HTR1F: variants seen among roughly 807,000 people sequenced by gnomAD.
HTR1F encodes 5-hydroxytryptamine receptor 1F.
In HTR1F, 17 loss-of-function variants were observed where a neutral mutation model predicts 24.0. That is an observed-to-expected ratio of 0.71 (90% confidence interval 0.48 to 1.06). The LOEUF (loss-of-function observed/expected upper bound fraction) is 1.06, where lower values mean the gene tolerates loss of function less well. Among genes scored for constraint, HTR1F ranks in the 50% least tolerant of loss-of-function variants. The probability of loss-of-function intolerance (pLI) is 0.00; values close to 1 mark genes in which losing one functional copy is unlikely to be tolerated. For synonymous variants in HTR1F, 186 were observed against 156.8 expected (o/e 1.19, Z -1.39); for missense variants, 391 against 427.8 (o/e 0.91, Z 0.76).
chr3:87,954,053 A>G (rs1704891675), intron 2 of HTR1F, among the ~76,000 whole-genome samples: 1 of 151,730 alleles, frequency 6.6e-6, no homozygotes, highest in African/African-American at 2.4e-5. Flanking sequence ...GGTGGTGGGC[A>G]GGTGGAGACA....
At chr3:87,837,389 C>G (rs1176885251) in intron 2 of HTR1F, among the ~76,000 whole-genome samples, 1 of 152,076 alleles carries the variant, frequency 6.6e-6, no homozygotes, top group Admixed American at 6.6e-5. Flanking sequence ...GCCAACAGGA[C>G]AGAGAACCTC....
intron 2 of HTR1F, among the ~76,000 whole-genome samples, chr3:87,867,581 C>A (rs1262363538): frequency 2.0e-5 from 3 of 148,864 alleles, no homozygotes; most frequent in African/African-American, 7.3e-5. Context: ...AGTGACCTCC[C>A]CCAGAAAATC....
intron 2 of HTR1F, among the ~76,000 whole-genome samples, chr3:87,839,022 TTA>T (rs201601597): frequency 2.0e-5 from 3 of 148,784 alleles, no homozygotes; most frequent in South Asian, 2.1e-4. Flanking sequence ...ATTTTTATTT[TTA>T]TTTTTTTTTT....
intron 2 of HTR1F, among the ~76,000 whole-genome samples, chr3:87,836,428 G>A (rs1298501392): frequency 2.0e-5 from 3 of 152,014 alleles, no homozygotes; most frequent in Non-Finnish European, 2.9e-5. Context: ...TTTGTTTCAC[G>A]TTGAGTCACA....
intron 2 of HTR1F, among the ~76,000 whole-genome samples, chr3:87,826,257 G>A (rs1704459727): frequency 6.6e-6 from 1 of 152,210 alleles, no homozygotes; most frequent in Admixed American, 6.5e-5. Context: ...CAGGGAACCT[G>A]TTTGATCAAT....
At chr3:87,875,961 A>G (rs1389364763) in intron 2 of HTR1F, among the ~76,000 whole-genome samples, 2 of 151,736 alleles carry the variant, frequency 1.3e-5, no homozygotes, top group African/African-American at 4.8e-5. Context: ...TCAAATAGAC[A>G]TTTCTCCTAA....
chr3:87,934,778 A>T (rs1422537282), intron 2 of HTR1F, among the ~76,000 whole-genome samples: 2 of 152,194 alleles, frequency 1.3e-5, no homozygotes, highest in Non-Finnish European at 2.9e-5. Context: ...CCCAAGAGGG[A>T]AGCTAAGCAA....
chr3:87,987,343 C>T (rs1408861236), intron 2 of HTR1F, among the ~76,000 whole-genome samples: 1 of 151,610 alleles, frequency 6.6e-6, no homozygotes, highest in Non-Finnish European at 1.5e-5. Flanking sequence ...AATCATTGAC[C>T]TTCTACAAAT....
At chr3:87,985,267 A>T (rs1705637637) in intron 2 of HTR1F, among the ~76,000 whole-genome samples, 4 of 152,036 alleles carry the variant, frequency 2.6e-5, no homozygotes, top group Admixed American at 2.6e-4. Flanking sequence ...CCCAGGAGGC[A>T]GAGGTTGCGG....
chr3:87,843,301 C>G (rs1224462211), intron 2 of HTR1F, among the ~76,000 whole-genome samples: 1 of 151,826 alleles, frequency 6.6e-6, no homozygotes, highest in Non-Finnish European at 1.5e-5. Flanking sequence ...TGCTTTGCTG[C>G]ATTCTGTTCA....
chr3:87,870,945 G>A (rs2107253581), intron 2 of HTR1F, among the ~76,000 whole-genome samples: 1 of 150,426 alleles, frequency 6.6e-6, no homozygotes, highest in East Asian at 2.0e-4. Context: ...ACCAGTCCAT[G>A]AAGACTGGGA....
chr3:87,895,997 T>C (rs567481123), intron 2 of HTR1F, among the ~76,000 whole-genome samples: 3 of 152,330 alleles, frequency 2.0e-5, no homozygotes, highest in Non-Finnish European at 4.4e-5. Context: ...CTTTAAAATA[T>C]CATCTCTATT....
chr3:87,910,704 T>C lies in HTR1F; in HGVS notation c.-42-80004T>C, dbSNP rs558141313. On this transcript the variant is annotated intron_variant, in intron 2 of 2. Transcript: ENST00000319595. ...TCACTATATGGCCCATACTCTAAAA[T>C]TGAACACACAGTCAGACATAAAACA... Among the ~76,000 whole-genome samples the C allele has an allele frequency of 3.9e-5, 6 of 152,096 alleles. No individual in the cohort carries two copies. In the South Asian group the frequency reaches 8.3e-4, roughly 21 times the overall value.
chr3:87,830,856 G>A (rs545365651), intron 2 of HTR1F, among the ~76,000 whole-genome samples: 14 of 152,246 alleles, frequency 9.2e-5, no homozygotes, highest in Middle Eastern at 3.4e-3. Context: ...GTGAAAATCA[G>A]TATTACTGAA....
At chr3:87,897,031 C>T (rs960498431) in intron 2 of HTR1F, among the ~76,000 whole-genome samples, 25 of 151,924 alleles carry the variant, frequency 1.6e-4, no homozygotes, top group African/African-American at 5.6e-4. Context: ...ATAGAATTAC[C>T]ATATGACCCA....
At chr3:87,940,609 C>A (rs1379079285) in intron 2 of HTR1F, among the ~76,000 whole-genome samples, 1 of 152,124 alleles carries the variant, frequency 6.6e-6, no homozygotes, top group East Asian at 1.9e-4. Flanking sequence ...ACTTTCTTCA[C>A]AGAATTAGGA....
intron 2 of HTR1F, among the ~76,000 whole-genome samples, chr3:87,969,874 G>A (rs922283283): frequency 6.6e-6 from 1 of 152,150 alleles, no homozygotes. Flanking sequence ...AATCATGGGG[G>A]CACATCTTTC....
At chr3:87,810,667 C>T (rs1490398125) in intron 1 of HTR1F, among the ~76,000 whole-genome samples, 1 of 152,122 alleles carries the variant, frequency 6.6e-6, no homozygotes, top group African/African-American at 2.4e-5. Context: ...GAAACTTTGG[C>T]CAGGAAGATG....
intron 2 of HTR1F, among the ~76,000 whole-genome samples, chr3:87,872,108 G>A (rs1705571121): frequency 6.6e-6 from 1 of 151,956 alleles, no homozygotes; most frequent in Admixed American, 6.6e-5. Context: ...AAGAAACATT[G>A]TAAAATACAC....
Sources: allele counts gnomAD v4.1 joint callset (sites outside exome capture counted in the v4.1 genomes callset), GRCh38; gene constraint gnomAD v4.1.1; transcripts MANE v1.5; gene names NCBI Gene and HGNC (gene_info 2026-07-23, HGNC 2026-07-21).